Variants in SLIT2 observed in about 807,000 individuals in gnomAD.
SLIT2 encodes slit guidance ligand 2.
In SLIT2, 41 loss-of-function variants were observed where a neutral mutation model predicts 185.7. That is an observed-to-expected ratio of 0.22 (90% CI 0.17 to 0.29). SLIT2 has a LOEUF of 0.29. Among genes scored for constraint, SLIT2 ranks in the 10% least tolerant of loss-of-function variants. The probability of loss-of-function intolerance (pLI) is 1.00; values close to 1 mark genes in which losing one functional copy is unlikely to be tolerated. For synonymous variants in SLIT2, 693 were observed against 680.2 expected, an observed-to-expected ratio of 1.02 and a Z score of -0.29; for missense variants, 1,571 against 1,909.0, an observed-to-expected ratio of 0.82 and a Z score of 3.30.
At chr4:20,570,807 T>A (rs1043886549) in intron 29 of SLIT2, among the ~76,000 whole-genome samples, 1 of 149,514 alleles carries the variant, frequency 6.7e-6, no homozygotes, top group African/African-American at 2.4e-5. Flanking sequence ...GCAATCAGGT[T>A]CTTATGTGTC....
chr4:20,518,836 G>C (rs1237053916), intron 11 of SLIT2, among the ~76,000 whole-genome samples: 2 of 149,458 alleles, frequency 1.3e-5, no homozygotes, highest in East Asian at 4.0e-4. Context: ...TCGATCTCCT[G>C]ACCTCGTGAT....
At chr4:20,300,483 C>G (rs1413240744) in intron 4 of SLIT2, among the ~76,000 whole-genome samples, 1 of 152,084 alleles carries the variant, frequency 6.6e-6, no homozygotes, top group South Asian at 2.1e-4. Context: ...TTTATAATTT[C>G]TGTGCATTTA....
intron 4 of SLIT2, among the ~76,000 whole-genome samples, chr4:20,379,607 T>A (rs947371395): frequency 6.6e-6 from 1 of 152,166 alleles, no homozygotes; most frequent in African/African-American, 2.4e-5. Flanking sequence ...CAGACCTGCC[T>A]TTGACTATTT....
intron 4 of SLIT2, among the ~76,000 whole-genome samples, chr4:20,417,436 G>GTATATATAAATATATATATATA (rs1727773480): frequency 8.1e-6 from 1 of 123,678 alleles, no homozygotes; most frequent in Non-Finnish European, 1.8e-5. Flanking sequence ...ATGTGTGTGT[G>GTATATATAAATATATATATATA]TATATATATA....
Position 20,533,330 on chromosome 4 carries a change from G to T in SLIT2, c.1689-242G>T, listed in dbSNP as rs1045672069. ...CTGACCTCAAGAATTTTATACTCCTGGAGACCCTTGGAGAGTATGACATGA... is the reference window on the plus strand; with the variant it reads ...CTGACCTCAAGAATTTTATACTCCTTGAGACCCTTGGAGAGTATGACATGA... On this transcript the variant is annotated intron_variant, in intron 17 of 36. Coordinates refer to ENST00000504154, the MANE Select transcript of SLIT2 (RefSeq NM_004787.4). 41 of 436,022 alleles carry T rather than the reference G, an allele frequency of 9.4e-5. 1 individual carries two copies. In the South Asian group the frequency reaches 1.5e-3, roughly 16 times the overall value. 27.0% of individuals were successfully genotyped at this position (436,022 alleles called of 1,614,324 possible). A position where few individuals can be genotyped will look rare whatever the true frequency, so the allele number is the denominator to read the frequency against.
intron 4 of SLIT2, among the ~76,000 whole-genome samples, chr4:20,287,577 C>T (rs1401253355): frequency 2.0e-5 from 3 of 152,126 alleles, no homozygotes; most frequent in African/African-American, 7.2e-5. Context: ...AAAGACTGTA[C>T]CTGATAAACT....
intron 3 of SLIT2, among the ~76,000 whole-genome samples, chr4:20,264,499 T>A (rs530558561): frequency 6.6e-6 from 1 of 151,990 alleles, no homozygotes; most frequent in East Asian, 1.9e-4. Context: ...TTGAATTAGA[T>A]GGAAGGTTGT....
intron 4 of SLIT2, among the ~76,000 whole-genome samples, chr4:20,351,800 T>C (rs753678941): frequency 2.7e-4 from 41 of 152,130 alleles, no homozygotes; most frequent in Non-Finnish European, 5.0e-4. Flanking sequence ...GCTGAAAAAG[T>C]CTCCTGCTTA....
At chr4:20,508,035 G>A (rs78017029) in intron 9 of SLIT2, among the ~76,000 whole-genome samples, 28,746 of 151,786 alleles carry the variant, frequency 0.19, 3,059 homozygotes, top group African/African-American at 0.3. Flanking sequence ...TAAAGTAACA[G>A]GCAAATGATT....
intron 9 of SLIT2, among the ~76,000 whole-genome samples, chr4:20,503,770 C>G (rs766273550): frequency 6.6e-6 from 1 of 152,088 alleles, no homozygotes; most frequent in African/African-American, 2.4e-5. Context: ...TGAATTTACA[C>G]TCGGGAATGT....
chr4:20,519,391 T>C lies in SLIT2; in HGVS notation c.1068T>C (p.Tyr356=). The change falls in exon 12 of 37, where the codon TAT becomes TAC. Residue 356 remains tyrosine (Y), a synonymous_variant. Coordinates refer to ENST00000504154, the MANE Select transcript of SLIT2 (RefSeq NM_004787.4). ...GLRSLNSLVL[Y]GNKITELPKS... is the part of the protein sequence containing the mutation. ...AAAATATTTTTTTCAGTGTCCTCTA[T>C]GGAAATAAAATCACAGAACTCCCCA... 6.4e-7 allele frequency: 1 copy of C among 1,556,280 alleles called. No individual in the cohort carries two copies. Among genetic ancestry groups the C allele is most frequent in the Non-Finnish European group, 8.9e-7 (1 of 1,128,966 alleles).
At chr4:20,493,370 G>A (rs1214484844) in intron 9 of SLIT2, among the ~76,000 whole-genome samples, 2 of 152,126 alleles carry the variant, frequency 1.3e-5, no homozygotes, top group Non-Finnish European at 2.9e-5. Flanking sequence ...TTTCTCATAA[G>A]GGAACTATAT....
chr4:20,264,249 G>A (rs955344918), intron 3 of SLIT2, among the ~76,000 whole-genome samples: 1 of 151,756 alleles, frequency 6.6e-6, no homozygotes, highest in Non-Finnish European at 1.5e-5. Context: ...ATTTTTATAA[G>A]AGAAGTCAAA....
At chr4:20,261,023 G>A (rs920227769) in intron 3 of SLIT2, among the ~76,000 whole-genome samples, 2 of 151,736 alleles carry the variant, frequency 1.3e-5, no homozygotes, top group Non-Finnish European at 3.0e-5. Context: ...ACTGTAAAAG[G>A]AGGAAGTTGT....
At chr4:20,530,118 A>G (rs971879746) in intron 16 of SLIT2, among the ~76,000 whole-genome samples, 1 of 149,352 alleles carries the variant, frequency 6.7e-6, no homozygotes, top group South Asian at 2.1e-4. Context: ...TTTTACTCCT[A>G]TTAGTTGATG....
chr4:20,329,791 A>G (rs1483931559), intron 4 of SLIT2, among the ~76,000 whole-genome samples: 1 of 151,970 alleles, frequency 6.6e-6, no homozygotes, highest in Admixed American at 6.6e-5. Flanking sequence ...GGTTCTAATA[A>G]TTTGCTGAGG....
In SLIT2 at chr4:20,251,932, C is replaced by T. The variant is rs1006875118; in HGVS notation, c.-1884C>T. On this transcript the variant is annotated 5_prime_UTR_variant, in exon 1 of 37. Transcript: ENST00000504154. ...TTGGTGTTATTTATTTGGGAAGCGCCCGGACGGCGGAGCTTGGCGGCGGCG... is the reference window on the plus strand; with the variant it reads ...TTGGTGTTATTTATTTGGGAAGCGCTCGGACGGCGGAGCTTGGCGGCGGCG... Among the ~76,000 whole-genome samples the T allele has an allele frequency of 1.3e-5, 2 of 152,116 alleles. No individual in the cohort carries two copies. Among genetic ancestry groups the T allele is most frequent in the African/African-American group, 2.4e-5 (1 of 41,426 alleles).
chr4:20,409,830 G>T (rs1489247559), intron 4 of SLIT2, among the ~76,000 whole-genome samples: 1 of 152,002 alleles, frequency 6.6e-6, no homozygotes, highest in Non-Finnish European at 1.5e-5. Context: ...AGTGACGTTG[G>T]ATTTTTTTTC....
chr4:20,297,360 T>C (rs770041585), intron 4 of SLIT2, among the ~76,000 whole-genome samples: 4 of 152,224 alleles, frequency 2.6e-5, no homozygotes, highest in Non-Finnish European at 4.4e-5. Context: ...CCATTTCATA[T>C]TTTTAAGATG....
Sources: allele counts gnomAD v4.1 joint callset (sites outside exome capture counted in the v4.1 genomes callset), GRCh38; gene constraint gnomAD v4.1.1; transcripts MANE v1.5; gene names NCBI Gene and HGNC (gene_info 2026-07-23, HGNC 2026-07-21).